AGBL1: variants seen among roughly 807,000 people sequenced by gnomAD.
AGBL1 encodes cytosolic carboxypeptidase 4.
Under a neutral mutation model 118.9 loss-of-function variants are expected in AGBL1, and 130 were observed. The ratio of observed to expected loss-of-function variants is 1.09; its 90% CI spans 0.95 to 1.26. The LOEUF is 1.26. Ranked by LOEUF, AGBL1 falls within the 50% of genes most tolerant of loss-of-function variation. AGBL1 has a pLI of 0.00. For synonymous variants in AGBL1, 555 were observed against 478.9 expected, an observed-to-expected ratio of 1.16 and a Z score of -2.08; for missense variants, 1,584 against 1,298.1, an observed-to-expected ratio of 1.22 and a Z score of -3.38.
intron 5 of AGBL1, among the ~76,000 whole-genome samples, chr15:86,179,047 C>G (rs117747172): frequency 0.017 from 2,579 of 152,288 alleles, 29 homozygotes; most frequent in East Asian, 0.072. Flanking sequence ...TAATGGGCCA[C>G]CTGGTGGTCT....
intron 22 of AGBL1, among the ~76,000 whole-genome samples, chr15:86,815,283 G>T (rs1378759372): frequency 6.6e-6 from 1 of 152,010 alleles, no homozygotes; most frequent in Admixed American, 6.6e-5. Context: ...TAAAATTGGG[G>T]GATATTTAAT....
intron 5 of AGBL1, among the ~76,000 whole-genome samples, chr15:86,220,071 C>T (rs965601535): frequency 3.3e-5 from 5 of 151,304 alleles, no homozygotes; most frequent in Non-Finnish European, 5.9e-5. Flanking sequence ...CCTGCCTCAG[C>T]CTCACAAGTA....
At chr15:86,626,166 C>A (rs1432739229) in intron 21 of AGBL1, among the ~76,000 whole-genome samples, 1 of 152,100 alleles carries the variant, frequency 6.6e-6, no homozygotes, top group Non-Finnish European at 1.5e-5. Flanking sequence ...AGTATATACC[C>A]AAAGGAATAT....
At chr15:86,996,846 T>C (rs552569583) in intron 24 of AGBL1, among the ~76,000 whole-genome samples, 5 of 152,300 alleles carry the variant, frequency 3.3e-5, no homozygotes, top group Non-Finnish European at 7.4e-5. Context: ...GAGAAAACTT[T>C]GGAGTTCATC....
At chr15:86,335,225 G>C (rs577356611) in intron 17 of AGBL1, among the ~76,000 whole-genome samples, 1 of 151,452 alleles carries the variant, frequency 6.6e-6, no homozygotes, top group Non-Finnish European at 1.5e-5. Flanking sequence ...TGCAACCTCC[G>C]CCTTCCAGTT....
chr15:86,577,760 G>C (rs1014618715), intron 21 of AGBL1, among the ~76,000 whole-genome samples: 3 of 152,230 alleles, frequency 2.0e-5, no homozygotes, highest in Non-Finnish European at 4.4e-5. Flanking sequence ...TCGGGCCATG[G>C]CTTCAGAGGG....
intron 18 of AGBL1, among the ~76,000 whole-genome samples, chr15:86,440,209 G>A (rs1315159502): frequency 6.6e-6 from 1 of 152,068 alleles, no homozygotes; most frequent in Non-Finnish European, 1.5e-5. Context: ...TGGGATTTAA[G>A]ATGTTTTGGG....
intron 17 of AGBL1, among the ~76,000 whole-genome samples, chr15:86,385,812 G>T (rs939094641): frequency 6.6e-6 from 1 of 152,124 alleles, no homozygotes; most frequent in African/African-American, 2.4e-5. Flanking sequence ...AGTGATGTGT[G>T]CATCCTTTGG....
intron 16 of AGBL1, among the ~76,000 whole-genome samples, chr15:86,281,360 G>T (rs1050335450): frequency 1.9e-4 from 29 of 152,030 alleles, no homozygotes; most frequent in Non-Finnish European, 1.5e-5. Context: ...TCCATCGTGG[G>T]CAACCAAGGG....
chr15:86,851,149 C>T (rs1391087606), intron 22 of AGBL1, among the ~76,000 whole-genome samples: 1 of 152,164 alleles, frequency 6.6e-6, no homozygotes, highest in Non-Finnish European at 1.5e-5. Flanking sequence ...AAGTGCTTTC[C>T]TGATAGCGTC....
intron 22 of AGBL1, among the ~76,000 whole-genome samples, chr15:86,754,377 C>G (rs1386225771): frequency 1.3e-5 from 2 of 152,066 alleles, no homozygotes; most frequent in Non-Finnish European, 2.9e-5. Flanking sequence ...GGAATTTAAG[C>G]AACAATCAAA....
At chr15:86,825,074 A>T (rs1277719368) in intron 22 of AGBL1, among the ~76,000 whole-genome samples, 1 of 152,004 alleles carries the variant, frequency 6.6e-6, no homozygotes, top group East Asian at 1.9e-4. Context: ...AAACAAACAA[A>T]CAAAACAAAA....
chr15:86,267,201 A>G lies in AGBL1; in HGVS notation c.1838+125A>G. The G allele has an allele frequency of 5.5e-6, 4 of 731,968 alleles. No individual in the cohort carries two copies. The Admixed American group carries it at 1.0e-4, about 19-fold the overall frequency. The allele number at this position is 731,968 out of a possible 1,614,324, so 45.3% of individuals were successfully genotyped here. A position where few individuals can be genotyped will look rare whatever the true frequency, so the allele number is the denominator to read the frequency against. On this transcript the variant is annotated intron_variant, in intron 13 of 22. Transcript: ENST00000614907. ...GCTTGAAATCAGCCATGGTGGGAATATTTATATCATAAAAATTGGCAAACA... is the reference window on the plus strand; with the variant it reads ...GCTTGAAATCAGCCATGGTGGGAATGTTTATATCATAAAAATTGGCAAACA...
At chr15:86,098,892 T>A (rs1004565112) in intron 1 of AGBL1, among the ~76,000 whole-genome samples, 7 of 152,298 alleles carry the variant, frequency 4.6e-5, no homozygotes, top group Non-Finnish European at 7.4e-5. Context: ...ATCTGTAGAT[T>A]GCTTTGGGTA....
intron 18 of AGBL1, among the ~76,000 whole-genome samples, chr15:86,432,308 A>C (rs562964159): frequency 1.3e-5 from 2 of 152,196 alleles, no homozygotes; most frequent in South Asian, 2.1e-4. Context: ...ATCACATTAC[A>C]TTTGGTCCTC....
chr15:86,227,481 T>C (rs1032715097), intron 6 of AGBL1, among the ~76,000 whole-genome samples: 48 of 152,372 alleles, frequency 3.2e-4, no homozygotes, highest in African/African-American at 1.1e-3. Context: ...CATTGCAGGA[T>C]ATACAGCAAC....
chr15:86,664,585 C>A (rs967521243), intron 21 of AGBL1, among the ~76,000 whole-genome samples: 1 of 152,086 alleles, frequency 6.6e-6, no homozygotes, highest in Non-Finnish European at 1.5e-5. Context: ...TATTTCTTCA[C>A]TAGACCTTTT....
chr15:86,565,390 C>G (rs186005515), intron 21 of AGBL1, among the ~76,000 whole-genome samples: 2 of 152,352 alleles, frequency 1.3e-5, no homozygotes, highest in South Asian at 2.1e-4. Context: ...GTTTGCTGGA[C>G]GTCCACTCCA....
intron 16 of AGBL1, among the ~76,000 whole-genome samples, chr15:86,282,478 T>C (rs2079371070): frequency 6.6e-6 from 1 of 152,206 alleles, no homozygotes; most frequent in Non-Finnish European, 1.5e-5. Context: ...GGATAACTTA[T>C]TTCTCCTAAA....
Sources: allele counts gnomAD v4.1 joint callset (sites outside exome capture counted in the v4.1 genomes callset), GRCh38; gene constraint gnomAD v4.1.1; transcripts MANE v1.5; gene names NCBI Gene and HGNC (gene_info 2026-07-23, HGNC 2026-07-21).